Variants in ABCD3 observed in about 807,000 individuals in gnomAD.
The protein encoded by ABCD3 is ATP-binding cassette sub-family D member 3.
A neutral mutation model predicts 105.5 loss-of-function variants in ABCD3; 41 were observed. That is an observed-to-expected ratio of 0.39 (90% CI 0.30 to 0.50). The LOEUF (loss-of-function observed/expected upper bound fraction) is 0.50. Among genes scored for constraint, ABCD3 ranks in the 20% least tolerant of loss-of-function variants. ABCD3 has a pLI of 0.84. For missense variants in ABCD3, 622 were observed against 806.3 expected, an observed-to-expected ratio of 0.77 and a Z score of 2.77; for synonymous variants, 258 against 269.0, an observed-to-expected ratio of 0.96 and a Z score of 0.40.
At chr1:94,445,174 T>C (rs1328499201) in intron 1 of ABCD3, among the ~76,000 whole-genome samples, 2 of 152,224 alleles carry the variant, frequency 1.3e-5, no homozygotes, top group East Asian at 3.8e-4. Context: ...TGTTTGGGGC[T>C]CTCAGCTCTG....
At chr1:94,419,194 T>G in intron 1 of ABCD3, 3 of 783,466 alleles carry the variant, frequency 3.8e-6, no homozygotes, top group Non-Finnish European at 4.6e-6. Context: ...TTGGAGTCGG[T>G]GAACCCTTTG....
chr1:94,390,393 C>G, the ABCD3 span, among the ~76,000 whole-genome samples: 27 of 152,106 alleles, frequency 1.8e-4, no homozygotes, highest in African/African-American at 6.0e-4. Flanking sequence ...ACCTCTGCCC[C>G]CTGGGTTCAA....
the ABCD3 span, among the ~76,000 whole-genome samples, chr1:94,402,578 C>T: frequency 6.6e-6 from 1 of 152,210 alleles, no homozygotes; most frequent in Admixed American, 6.5e-5. Context: ...TGATATAATA[C>T]TCTAACCTAC....
At chr1:94,389,546 G>A in the ABCD3 span, among the ~76,000 whole-genome samples, 3 of 152,150 alleles carry the variant, frequency 2.0e-5, no homozygotes, top group Non-Finnish European at 2.9e-5. Flanking sequence ...TTTCCCATAA[G>A]GAATACTTCT....
chr1:94,517,333 G>T lies in ABCD3; in HGVS notation c.*204G>T. ...GATATTGCTAATTGTGTATATGTTG[G>T]TTTAATTAATAATATGTACTAAGAA... On this transcript the variant is annotated 3_prime_UTR_variant, in exon 23 of 23. Coordinates refer to ENST00000370214, the MANE Select transcript of ABCD3 (RefSeq NM_002858.4). 1 of 497,250 alleles carries T rather than the reference G, an allele frequency of 2.0e-6. No homozygotes were observed. 30.8% of individuals were successfully genotyped at this position (497,250 alleles called of 1,614,324 possible).
At chr1:94,430,128 G>T (rs1462033280) in intron 1 of ABCD3, among the ~76,000 whole-genome samples, 1 of 152,250 alleles carries the variant, frequency 6.6e-6, no homozygotes, top group Non-Finnish European at 1.5e-5. Flanking sequence ...TTCTGAACTT[G>T]TGTGGGGCCT....
chr1:94,453,034 G>T (rs1410961943), intron 1 of ABCD3, among the ~76,000 whole-genome samples: 2 of 152,106 alleles, frequency 1.3e-5, no homozygotes, highest in Non-Finnish European at 2.9e-5. Flanking sequence ...CTTCCAAAGT[G>T]CTCGGCCTTC....
chr1:94,471,133 G>C (rs993249727), intron 4 of ABCD3, among the ~76,000 whole-genome samples: 1 of 152,182 alleles, frequency 6.6e-6, no homozygotes, highest in Non-Finnish European at 1.5e-5. Context: ...ATGTGCACGT[G>C]TGTGTAGTAC....
intron 2 of ABCD3, among the ~76,000 whole-genome samples, chr1:94,459,117 G>A (rs1194210035): frequency 6.6e-6 from 1 of 150,990 alleles, no homozygotes; most frequent in African/African-American, 2.4e-5. Context: ...CATGATCATA[G>A]CTCACTGTAA....
intron 15 of ABCD3, 92 bp downstream of exon 15, chr1:94,490,067 A>G: frequency 2.5e-6 from 3 of 1,224,228 alleles, no homozygotes; most frequent in Non-Finnish European, 3.6e-6. Flanking sequence ...TTAGTGTTTA[A>G]AATTATTTCT....
At chr1:94,454,460 T>C (rs1055074817) in intron 1 of ABCD3, among the ~76,000 whole-genome samples, 15 of 152,118 alleles carry the variant, frequency 9.9e-5, no homozygotes, top group Non-Finnish European at 2.1e-4. Flanking sequence ...ACAGATACCT[T>C]ATTAAAAATC....
intron 2 of ABCD3, among the ~76,000 whole-genome samples, chr1:94,461,100 T>G (rs1647846813): frequency 6.6e-6 from 1 of 152,140 alleles, no homozygotes; most frequent in South Asian, 2.1e-4. Flanking sequence ...GATAGCACAT[T>G]TGTTAAATGT....
the ABCD3 span, among the ~76,000 whole-genome samples, chr1:94,404,936 T>C: frequency 1.4e-5 from 2 of 139,036 alleles, no homozygotes; most frequent in South Asian, 4.5e-4. Context: ...GAGACCCATC[T>C]CGAAAAAAAA....
In ABCD3 at chr1:94,500,769, A is replaced by G. The variant is rs1354745119; in HGVS notation, c.1740+1155A>G. ...CTCTACATGAGGTTAATATTAACCTAATAGTGTGACTTGCCTGGCTAGTGC... is the reference window on the plus strand; with the variant it reads ...CTCTACATGAGGTTAATATTAACCTGATAGTGTGACTTGCCTGGCTAGTGC... On this transcript the variant is annotated intron_variant, in intron 20 of 22. Coordinates refer to ENST00000370214, the MANE Select transcript of ABCD3 (RefSeq NM_002858.4). Among the ~76,000 whole-genome samples the G allele has an allele frequency of 2.0e-5, 3 of 152,156 alleles. No individual in the cohort carries two copies. In the East Asian group the frequency reaches 5.8e-4, roughly 29 times the overall value.
chr1:94,413,103 T>A, the ABCD3 span, among the ~76,000 whole-genome samples: 1 of 152,176 alleles, frequency 6.6e-6, no homozygotes, highest in South Asian at 2.1e-4. Context: ...CTATGGCTTC[T>A]GGATTTTAAT....
chr1:94,473,596 TTTAAAG>T (rs1309805760), intron 4 of ABCD3, among the ~76,000 whole-genome samples, 164 bp from the exon 5 acceptor site: 1 of 152,150 alleles, frequency 6.6e-6, no homozygotes, highest in African/African-American at 2.4e-5. Context: ...ATGATGACAT[TTTAAAG>T]TTGCAAACAT....
At chr1:94,513,728 T>C (rs1352091652) in intron 21 of ABCD3, 2 of 152,020 alleles carry the variant, frequency 1.3e-5, no homozygotes, top group East Asian at 3.9e-4. Flanking sequence ...ATACTTCATA[T>C]ATTTTTTATA....
At position 94,436,712 on chromosome 1, in the gene ABCD3, A is replaced by C. The variant is rs377592397; in HGVS notation, c.110+18124A>C. ...CGTGATATTTCAAACTTTTTCATTT[A>C]TCATATCTGTTATGATGATCTGTGA... On this transcript the variant is annotated intron_variant, in intron 1 of 22. Coordinates refer to ENST00000370214, the MANE Select transcript of ABCD3 (RefSeq NM_002858.4). 1.3e-4 allele frequency among the ~76,000 whole-genome samples: 20 copies of C among 152,336 alleles called. No individual in the cohort carries two copies. The South Asian group carries it at 1.7e-3, about 13-fold the overall frequency.
At chr1:94,478,217 G>A in intron 7 of ABCD3, 42 bp from the exon 8 acceptor site, 1 of 1,187,812 alleles carries the variant, frequency 8.4e-7, no homozygotes, top group South Asian at 1.3e-5. Flanking sequence ...TCATTCTAGT[G>A]CTTTAGTTTT....
Sources: gnomAD v4.1 joint callset for allele counts (sites outside exome capture counted in the v4.1 genomes callset) on GRCh38, gnomAD v4.1.1 for gene constraint, MANE v1.5 for transcripts, NCBI Gene and HGNC (gene_info 2026-07-23, HGNC 2026-07-21) for gene names.